EDA2R: variants seen among roughly 807,000 people sequenced by gnomAD.
EDA2R encodes the protein tumor necrosis factor receptor superfamily member 27.
A neutral mutation model predicts 20.1 loss-of-function variants in EDA2R; 26 were observed. That is an observed-to-expected ratio of 1.30 (90% CI 0.95 to 1.80). EDA2R has a LOEUF of 1.80. EDA2R is among the 40% of genes most tolerant of loss of function. EDA2R has a pLI of 0.00. For missense variants in EDA2R, 277 were observed against 228.7 expected (o/e 1.21, Z -1.36); for synonymous variants, 114 against 88.7 (o/e 1.29, Z -1.60).
intron 1 of EDA2R, among the ~76,000 whole-genome samples, chrX:66,623,038 G>C (rs1932796997): frequency 8.9e-6 from 1 of 111,954 alleles, no homozygotes; most frequent in Admixed American, 9.4e-5. Flanking sequence ...GTGGTTCTCA[G>C]TCTTGGTTGC....
At chrX:66,618,823 G>A (rs1460179687) in intron 1 of EDA2R, among the ~76,000 whole-genome samples, 1 of 112,447 alleles carries the variant, frequency 8.9e-6, no homozygotes, top group Non-Finnish European at 1.9e-5. Context: ...AAAGCTCTTA[G>A]TTAGGGACAT....
At chrX:66,599,343 A>G in intron 6 of EDA2R, 131 bp downstream of exon 6, 1 of 746,756 alleles carries the variant, frequency 1.3e-6, no homozygotes, top group Non-Finnish European at 1.9e-6. Context: ...CTCCACCCAA[A>G]GTGTTCCTAG....
At chrX:66,627,400 A>T (rs1933209008) in intron 1 of EDA2R, among the ~76,000 whole-genome samples, 1 of 112,164 alleles carries the variant, frequency 8.9e-6, no homozygotes, top group South Asian at 3.7e-4. Flanking sequence ...CCAACACATA[A>T]GGACTCACAT....
In EDA2R at chrX:66,598,060, A is replaced by G. The variant is rs1267691477; in HGVS notation, c.*44T>C. 1 of 967,251 alleles carries G rather than the reference A, an allele frequency of 1.0e-6. No homozygotes were observed. Among genetic ancestry groups the G allele is most frequent in the Admixed American group, 3.0e-5 (1 of 32,825 alleles). 79.7% of individuals were successfully genotyped at this position (967,251 alleles called of 1,213,427 possible). A position where few individuals can be genotyped will look rare whatever the true frequency, so the allele number is the denominator to read the frequency against. On this transcript the variant is annotated 3_prime_UTR_variant, in exon 7 of 7. Transcript: ENST00000374719. ...GGTATAGGAACAGAGTCCAGAGAGAACAACTGGGCAAGGCTGCCAGGGGCC... is the reference window on the plus strand; with the variant it reads ...GGTATAGGAACAGAGTCCAGAGAGAGCAACTGGGCAAGGCTGCCAGGGGCC...
chrX:66,620,416 C>CT (rs1932407910), intron 1 of EDA2R, among the ~76,000 whole-genome samples: 2 of 111,527 alleles, frequency 1.8e-5, no homozygotes, highest in African/African-American at 6.5e-5. Flanking sequence ...AATCGGACCC[C>CT]TACCTCATAT....
intron 2 of EDA2R, among the ~76,000 whole-genome samples, chrX:66,609,379 T>A (rs1230521080): frequency 2.7e-5 from 3 of 111,879 alleles, no homozygotes; most frequent in Non-Finnish European, 5.6e-5. Context: ...ACTCAGGCTT[T>A]ACTCAATGCC....
intron 1 of EDA2R, among the ~76,000 whole-genome samples, chrX:66,635,713 G>T (rs1204729039): frequency 8.9e-6 from 1 of 111,881 alleles, no homozygotes; most frequent in African/African-American, 3.3e-5. Context: ...TAAGAAAAAT[G>T]TGTCTTGCAG....
At chrX:66,615,545 C>T (rs930201745) in intron 2 of EDA2R, among the ~76,000 whole-genome samples, 4 of 111,702 alleles carry the variant, frequency 3.6e-5, no homozygotes, top group South Asian at 3.8e-4. Flanking sequence ...TCCTCAGTAG[C>T]GCAGACCCTC....
intron 1 of EDA2R, among the ~76,000 whole-genome samples, chrX:66,628,841 T>C (rs1471235486): frequency 9.0e-6 from 1 of 111,407 alleles, no homozygotes; most frequent in African/African-American, 3.3e-5. Flanking sequence ...ATTCATTCTA[T>C]GAAGCCAGCA....
intron 1 of EDA2R, among the ~76,000 whole-genome samples, chrX:66,632,164 C>T (rs1031989651): frequency 3.6e-5 from 4 of 111,970 alleles, no homozygotes; most frequent in Admixed American, 9.4e-5. Context: ...TGGCTCCTGC[C>T]GGTAATCCCA....
intron 1 of EDA2R, among the ~76,000 whole-genome samples, chrX:66,617,239 TC>T (rs1245982687): frequency 1.8e-5 from 2 of 112,166 alleles, no homozygotes; most frequent in African/African-American, 6.5e-5. Context: ...GTTAAGTCAT[TC>T]TAAATGGCAT....
At chrX:66,629,164 C>T (rs1440642383) in intron 1 of EDA2R, among the ~76,000 whole-genome samples, 1 of 111,517 alleles carries the variant, frequency 9.0e-6, no homozygotes, top group African/African-American at 3.3e-5. Flanking sequence ...AAACTCTCAA[C>T]AAAACCAGCA....
rs112914584 is a variant in EDA2R, at chrX:66,637,988, TA to T, written c.-11+1006del. Reference sequence around the variant, plus strand: ...AGGCGTTACAATTTCAAAAAAAGAATAAAAAAAAACCTTTTTCTGATTTCGT... The same window carrying T: ...AGGCGTTACAATTTCAAAAAAAGAATAAAAAAAACCTTTTTCTGATTTCGT... On this transcript the variant is annotated intron_variant, in intron 1 of 6. Transcript: ENST00000374719. Among the ~76,000 whole-genome samples, 275 of 111,417 alleles carry T rather than the reference TA, an allele frequency of 2.5e-3. 1 individual carries two copies. Among genetic ancestry groups the T allele is most frequent in the African/African-American group, 8.6e-3 (263 of 30,705 alleles).
At chrX:66,600,289 G>A (rs763344314) in intron 5 of EDA2R, among the ~76,000 whole-genome samples, 13 of 111,583 alleles carry the variant, frequency 1.2e-4, no homozygotes, top group Non-Finnish European at 2.4e-4. Context: ...GTAATCCTGT[G>A]TCCCTAAAAG....
At position 66,600,155 on chromosome X, in the gene EDA2R, T is replaced by A. The variant is rs1928296237; in HGVS notation, c.518-295A>T. 6.8e-6 allele frequency: 6 copies of A among 882,446 alleles called. No homozygotes were observed. The South Asian group carries it at 1.2e-4, about 18-fold the overall frequency. 72.7% of individuals were successfully genotyped at this position (882,446 alleles called of 1,213,427 possible). A position where few individuals can be genotyped will look rare whatever the true frequency, so the allele number is the denominator to read the frequency against. On this transcript the variant is annotated intron_variant, in intron 5 of 6. Coordinates refer to ENST00000374719, the MANE Select transcript of EDA2R (RefSeq NM_021783.5). ...TTTGATACCATCTCCCTTGCCATAA[T>A]CTTCATGGCCTGGTCTTATGTCTAT...
intron 1 of EDA2R, among the ~76,000 whole-genome samples, chrX:66,617,879 C>A (rs1000820854): frequency 6.9e-5 from 7 of 102,165 alleles, no homozygotes; most frequent in African/African-American, 2.6e-4. Flanking sequence ...TCCTTTCCTC[C>A]TTTCTTTCTC....
intron 1 of EDA2R, among the ~76,000 whole-genome samples, chrX:66,630,368 G>C (rs1005126867): frequency 1.8e-5 from 2 of 111,434 alleles, no homozygotes; most frequent in Admixed American, 9.5e-5. Flanking sequence ...AAGAGCTTTT[G>C]CATGGCAAAA....
At chrX:66,615,546 G>A (rs768282433) in intron 2 of EDA2R, among the ~76,000 whole-genome samples, 3 of 111,520 alleles carry the variant, frequency 2.7e-5, no homozygotes, top group African/African-American at 6.5e-5. Flanking sequence ...CCTCAGTAGC[G>A]CAGACCCTCT....
rs771554589 is a variant in EDA2R, at chrX:66,637,318, G to A, written c.-11+1677C>T. On this transcript the variant is annotated intron_variant, in intron 1 of 6. Transcript: ENST00000374719. Reference sequence around the variant, plus strand: ...TCCCACAGCCACGACCTCAGTTCCAGGGCCTTGTTCCCTCTCTGCCCCTAG... The same window carrying A: ...TCCCACAGCCACGACCTCAGTTCCAAGGCCTTGTTCCCTCTCTGCCCCTAG... Among the ~76,000 whole-genome samples the A allele has an allele frequency of 1.4e-4, 16 of 111,700 alleles. No individual in the cohort carries two copies. The South Asian group carries it at 6.1e-3, about 43-fold the overall frequency.
Sources: gnomAD v4.1 joint callset for allele counts (sites outside exome capture counted in the v4.1 genomes callset) on GRCh38, gnomAD v4.1.1 for gene constraint, MANE v1.5 for transcripts, NCBI Gene and HGNC (gene_info 2026-07-23, HGNC 2026-07-21) for gene names.